Variants in THSD7B observed in about 807,000 individuals in gnomAD.
The protein encoded by THSD7B is thrombospondin type 1 domain containing 7B.
THSD7B carries 138 observed loss-of-function variants against 213.6 expected under a neutral mutation model. The ratio of observed to expected loss-of-function variants is 0.65; its 90% CI spans 0.56 to 0.74. The LOEUF (loss-of-function observed/expected upper bound fraction) is 0.74. Among genes scored for constraint, THSD7B ranks in the 30% least tolerant of loss-of-function variants. THSD7B has a pLI of 0.00. For synonymous variants in THSD7B, 742 were observed against 687.0 expected (o/e 1.08, Z -1.25); for missense variants, 1,931 against 1,991.5 (o/e 0.97, Z 0.58).
chr2:136,833,738 A>G (rs1368009283), intron 1 of THSD7B, among the ~76,000 whole-genome samples: 1 of 152,194 alleles, frequency 6.6e-6, no homozygotes, highest in African/African-American at 2.4e-5. Context: ...GACCATCATT[A>G]AGCGTCTTTC....
At chr2:137,106,624 G>T (rs1688257201) in intron 4 of THSD7B, among the ~76,000 whole-genome samples, 1 of 152,150 alleles carries the variant, frequency 6.6e-6, no homozygotes, top group South Asian at 2.1e-4. Flanking sequence ...CAGAATGGGA[G>T]AAAATTTTTC....
chr2:136,923,048 G>A (rs1684461166), intron 2 of THSD7B, among the ~76,000 whole-genome samples: 1 of 152,158 alleles, frequency 6.6e-6, no homozygotes, highest in Admixed American at 6.5e-5. Context: ...TTGTGCAACA[G>A]ATCTCCAGAA....
intron 1 of THSD7B, among the ~76,000 whole-genome samples, chr2:136,785,805 G>A (rs1681833796): frequency 6.6e-6 from 1 of 152,172 alleles, no homozygotes; most frequent in South Asian, 2.1e-4. Flanking sequence ...CTTAAACCAC[G>A]TTGTGTAACT....
At chr2:136,864,060 G>A (rs1012512422) in intron 1 of THSD7B, among the ~76,000 whole-genome samples, 1 of 152,140 alleles carries the variant, frequency 6.6e-6, no homozygotes, top group Non-Finnish European at 1.5e-5. Context: ...GCTACATAGG[G>A]AAACAACACT....
At chr2:136,834,606 G>T (rs1558820779) in intron 1 of THSD7B, among the ~76,000 whole-genome samples, 1 of 151,844 alleles carries the variant, frequency 6.6e-6, no homozygotes, top group Non-Finnish European at 1.5e-5. Context: ...CTAGGACTAG[G>T]GGTATAGTGT....
chr2:137,197,607 A>G (rs1300977880), intron 7 of THSD7B, among the ~76,000 whole-genome samples: 6 of 152,164 alleles, frequency 3.9e-5, no homozygotes, highest in Admixed American at 3.9e-4. Flanking sequence ...TGTCAGAGTA[A>G]GTCTTAAACT....
At chr2:137,001,347 T>C (rs1266526382) in intron 2 of THSD7B, among the ~76,000 whole-genome samples, 2 of 152,148 alleles carry the variant, frequency 1.3e-5, no homozygotes, top group Non-Finnish European at 2.9e-5. Flanking sequence ...CCACATCTTT[T>C]TCTGTCCTCT....
intron 2 of THSD7B, among the ~76,000 whole-genome samples, chr2:136,892,370 G>T (rs1683877190): frequency 6.6e-6 from 1 of 152,160 alleles, no homozygotes; most frequent in Non-Finnish European, 1.5e-5. Context: ...TAGCCACAAG[G>T]GAAGGTGAGT....
intron 2 of THSD7B, among the ~76,000 whole-genome samples, chr2:136,914,459 G>C (rs998295917): frequency 4.6e-5 from 7 of 152,144 alleles, no homozygotes; most frequent in Non-Finnish European, 1.0e-4. Flanking sequence ...GAGGGACCAG[G>C]GTTGGAATGA....
At chr2:137,275,538 GTT>G (rs1051644970) in intron 11 of THSD7B, among the ~76,000 whole-genome samples, 1 of 136,134 alleles carries the variant, frequency 7.3e-6, no homozygotes, top group African/African-American at 2.7e-5. Context: ...TTCTTGTATT[GTT>G]TTTTTTTTTT....
chr2:137,055,789 C>T (rs985572216), intron 2 of THSD7B, among the ~76,000 whole-genome samples: 1 of 152,174 alleles, frequency 6.6e-6, no homozygotes, highest in African/African-American at 2.4e-5. Flanking sequence ...TACCTTTCCC[C>T]TGCACCCCAT....
intron 15 of THSD7B, 122 bp from the exon 16 acceptor site, chr2:137,563,099 T>A: frequency 9.7e-7 from 1 of 1,027,852 alleles, no homozygotes; most frequent in African/African-American, 1.6e-5. Context: ...GAAAGTAATT[T>A]GGCTGTTTGG....
intron 15 of THSD7B, among the ~76,000 whole-genome samples, chr2:137,558,702 A>C (rs905854976): frequency 1.3e-5 from 2 of 151,694 alleles, no homozygotes; most frequent in Non-Finnish European, 3.0e-5. Context: ...TAGTGTTGGA[A>C]GTTCTGGCCA....
intron 3 of THSD7B, among the ~76,000 whole-genome samples, chr2:137,065,967 T>C (rs750548084): frequency 7.2e-5 from 10 of 138,994 alleles, no homozygotes; most frequent in Non-Finnish European, 1.1e-4. Context: ...GAAAAATAAA[T>C]GACATTTTAT....
chr2:137,412,597 C>CAAAA lies in THSD7B; in HGVS notation c.2959+735_2959+738dup, dbSNP rs748551585. Among the ~76,000 whole-genome samples, 36 of 24,094 alleles carry CAAAA rather than the reference C, an allele frequency of 1.5e-3. 5 individuals carry two copies. The highest frequency in any genetic ancestry group is 0.014 in the East Asian group (4 of 284). The allele number at this position is 24,094 out of a possible 152,430, so 15.8% of individuals were successfully genotyped here. On this transcript the variant is annotated intron_variant, in intron 14 of 27. Coordinates refer to ENST00000409968, the MANE Select transcript of THSD7B (RefSeq NM_001316349.2). The stretch of plus-strand genomic sequence containing the variant: ...GGGCAACGAGAGCAAAACTCTGTCT[C>CAAAA]AAAAAAAAAAAAACAAAAAAAAACA...
chr2:137,585,722 G>A (rs1681708866), intron 17 of THSD7B, among the ~76,000 whole-genome samples: 1 of 152,120 alleles, frequency 6.6e-6, no homozygotes, highest in South Asian at 2.1e-4. Flanking sequence ...TATAATATCT[G>A]TTCTTTTACA....
At chr2:137,403,839 G>A (rs1299267155) in intron 12 of THSD7B, among the ~76,000 whole-genome samples, 2 of 152,160 alleles carry the variant, frequency 1.3e-5, no homozygotes, top group African/African-American at 4.8e-5. Context: ...CCACTTAAGA[G>A]GGGTGGATGC....
intron 3 of THSD7B, among the ~76,000 whole-genome samples, chr2:137,078,204 T>A (rs1687670543): frequency 6.6e-6 from 1 of 152,210 alleles, no homozygotes; most frequent in Admixed American, 6.5e-5. Flanking sequence ...TTGGTACCAG[T>A]TCCATGCTGT....
intron 17 of THSD7B, among the ~76,000 whole-genome samples, chr2:137,610,170 A>C (rs1682261869): frequency 2.0e-5 from 3 of 152,158 alleles, no homozygotes; most frequent in Admixed American, 2.0e-4. Flanking sequence ...GACTCATTAA[A>C]ACAAGATTGC....
Sources: allele counts gnomAD v4.1 joint callset (sites outside exome capture counted in the v4.1 genomes callset), GRCh38; gene constraint gnomAD v4.1.1; transcripts MANE v1.5; gene names NCBI Gene and HGNC (gene_info 2026-07-23, HGNC 2026-07-21).